Variants in LRRC3B observed in about 807,000 individuals in gnomAD.
LRRC3B encodes the protein leucine rich repeat containing 3B, also known as leucine-rich repeat-containing protein 3B.
Under a neutral mutation model 12.8 loss-of-function variants are expected in LRRC3B, and 2 were observed. The ratio of observed to expected loss-of-function variants is 0.16; its 90% CI spans 0.06 to 0.49. The LOEUF (loss-of-function observed/expected upper bound fraction) is 0.49, where lower values mean the gene tolerates loss of function less well. Ranked by LOEUF, LRRC3B falls within the 20% of genes least tolerant of loss-of-function variation. The probability of loss-of-function intolerance (pLI) is 0.96; values close to 1 mark genes in which losing one functional copy is unlikely to be tolerated. For missense variants in LRRC3B, 189 were observed against 319.4 expected, an observed-to-expected ratio of 0.59 and a Z score of 3.11; for synonymous variants, 132 against 122.0, an observed-to-expected ratio of 1.08 and a Z score of -0.54.
intron 1 of LRRC3B, among the ~76,000 whole-genome samples, chr3:26,643,716 A>G (rs777338055): frequency 1.3e-5 from 2 of 152,144 alleles, no homozygotes; most frequent in African/African-American, 2.4e-5. Context: ...CCCCTTTTCA[A>G]TCTTGTCTGT....
intron 1 of LRRC3B, among the ~76,000 whole-genome samples, chr3:26,693,326 C>CT (rs1482040646): frequency 4.0e-5 from 4 of 100,434 alleles, no homozygotes; most frequent in African/African-American, 1.5e-4. Context: ...GAAACTCCGT[C>CT]TCAAAAAAAA....
intron 1 of LRRC3B, among the ~76,000 whole-genome samples, chr3:26,673,639 T>C (rs944197849): frequency 2.0e-5 from 3 of 152,198 alleles, no homozygotes; most frequent in African/African-American, 7.2e-5. Context: ...GTGGAAGCAG[T>C]GCCCTCCATC....
intron 1 of LRRC3B, among the ~76,000 whole-genome samples, chr3:26,696,198 A>G (rs1700312616): frequency 2.0e-5 from 3 of 152,250 alleles, no homozygotes; most frequent in African/African-American, 7.2e-5. Context: ...ACAACCCTGA[A>G]AAAGAAACAC....
intron 1 of LRRC3B, among the ~76,000 whole-genome samples, chr3:26,635,553 G>A (rs189637752): frequency 6.6e-6 from 1 of 152,262 alleles, no homozygotes; most frequent in East Asian, 1.9e-4. Context: ...GTGAGAAGGC[G>A]GCTGTCTGCA....
intron 1 of LRRC3B, among the ~76,000 whole-genome samples, chr3:26,631,717 T>C (rs574300199): frequency 9.3e-5 from 14 of 151,250 alleles, no homozygotes; most frequent in African/African-American, 3.4e-4. Context: ...TCTCAGAAAA[T>C]GCCCTCTTTT....
chr3:26,633,243 C>T (rs1279893800), intron 1 of LRRC3B, among the ~76,000 whole-genome samples: 2 of 152,022 alleles, frequency 1.3e-5, no homozygotes, highest in East Asian at 1.9e-4. Flanking sequence ...AAAGGTAGCC[C>T]GACTAAGTTC....
At chr3:26,685,541 A>C (rs866382211) in intron 1 of LRRC3B, among the ~76,000 whole-genome samples, 424 of 129,238 alleles carry the variant, frequency 3.3e-3, no homozygotes, top group East Asian at 4.9e-3. Flanking sequence ...ATATATATAT[A>C]TATATATATA....
intron 1 of LRRC3B, among the ~76,000 whole-genome samples, chr3:26,671,373 T>TAGAGAGAGAG (rs1195473054): frequency 0.01 from 291 of 28,230 alleles, 17 homozygotes; most frequent in Admixed American, 0.014. Flanking sequence ...TATATATATA[T>TAGAGAGAGAG]AGAGAGAGAG....
chr3:26,631,450 G>A (rs566679609), intron 1 of LRRC3B, among the ~76,000 whole-genome samples: 1 of 152,280 alleles, frequency 6.6e-6, no homozygotes, highest in South Asian at 2.1e-4. Flanking sequence ...GGTAGATGGA[G>A]AACCATGGGA....
intron 1 of LRRC3B, among the ~76,000 whole-genome samples, chr3:26,708,619 T>G (rs1252607971): frequency 1.3e-5 from 2 of 152,218 alleles, no homozygotes; most frequent in Non-Finnish European, 2.9e-5. Context: ...ACTTATATTC[T>G]TATCTCTGCT....
At chr3:26,708,869 C>T (rs1294926686) in intron 1 of LRRC3B, among the ~76,000 whole-genome samples, 3 of 152,130 alleles carry the variant, frequency 2.0e-5, no homozygotes, top group Non-Finnish European at 4.4e-5. Flanking sequence ...AGAAGATCCT[C>T]TGGAAATTCA....
intron 1 of LRRC3B, among the ~76,000 whole-genome samples, chr3:26,699,807 G>C (rs1700409500): frequency 6.6e-6 from 1 of 152,164 alleles, no homozygotes; most frequent in Non-Finnish European, 1.5e-5. Context: ...AAGAAACCAA[G>C]ATGGATAGAT....
Position 26,703,018 on chromosome 3 carries a change from G to A in LRRC3B, c.-160-6495G>A, listed in dbSNP as rs140292458. 4.6e-3 allele frequency among the ~76,000 whole-genome samples: 697 copies of A among 152,184 alleles called. 1 individual carries two copies. Among genetic ancestry groups the A allele is most frequent in the African/African-American group, 0.016 (648 of 41,514 alleles). ...AAATGGAGAACTAAAGTCCATGGCA[G>A]AACTCAGTCCTAAAGATGTGAATGA... On this transcript the variant is annotated intron_variant, in intron 1 of 1. Transcript: ENST00000396641.
intron 1 of LRRC3B, chr3:26,624,578 A>G (rs1698580346): frequency 1.3e-5 from 2 of 152,654 alleles, no homozygotes. Flanking sequence ...CCGCCCCTCC[A>G]CAAATCGCAC....
intron 1 of LRRC3B, among the ~76,000 whole-genome samples, chr3:26,688,460 A>G (rs1020559078): frequency 1.8e-4 from 28 of 152,184 alleles, no homozygotes; most frequent in African/African-American, 6.5e-4. Context: ...TAACGAAAAG[A>G]AGTTTAATTT....
chr3:26,622,853 T>G (rs2125393725), exon 1 of LRRC3B: 1 of 152,378 alleles, frequency 6.6e-6, no homozygotes, highest in East Asian at 1.9e-4. Flanking sequence ...TTTGCCTCTC[T>G]CCTGTCTTTG....
intron 1 of LRRC3B, among the ~76,000 whole-genome samples, chr3:26,691,120 T>TATATATATATATATAC (rs1559368581): frequency 4.2e-4 from 59 of 141,280 alleles, no homozygotes; most frequent in Non-Finnish European, 7.4e-4. Context: ...TATATATATA[T>TATATATATATATATAC]ATATATATAT....
At chr3:26,692,062 C>T (rs1700204257) in intron 1 of LRRC3B, among the ~76,000 whole-genome samples, 1 of 152,208 alleles carries the variant, frequency 6.6e-6, no homozygotes, top group Non-Finnish European at 1.5e-5. Context: ...GCCACACAGG[C>T]TCTATTTCCA....
chr3:26,686,633 A>C (rs1700094398), intron 1 of LRRC3B, among the ~76,000 whole-genome samples: 2 of 152,346 alleles, frequency 1.3e-5, no homozygotes, highest in Non-Finnish European at 2.9e-5. Flanking sequence ...GAAAATAAAA[A>C]AAGCCAGAGT....
Sources: gnomAD v4.1 joint callset for allele counts (sites outside exome capture counted in the v4.1 genomes callset) on GRCh38, gnomAD v4.1.1 for gene constraint, MANE v1.5 for transcripts, NCBI Gene and HGNC (gene_info 2026-07-23, HGNC 2026-07-21) for gene names.